The following HAPLN4 variants were observed in gnomAD, a reference collection of about 807,000 sequenced individuals.
HAPLN4 encodes brain link protein 2.
Under a neutral mutation model 28.0 loss-of-function variants are expected in HAPLN4, and 19 were observed. The observed-to-expected ratio is 0.68, with a 90% CI of 0.47 to 1.00. The LOEUF is 1.00. Among genes scored for constraint, HAPLN4 ranks in the 50% least tolerant of loss-of-function variants. The pLI, the probability that HAPLN4 is intolerant of heterozygous loss-of-function variation, is 0.00. For synonymous variants in HAPLN4, 274 were observed against 273.0 expected (o/e 1.00, Z -0.03); for missense variants, 587 against 602.6 (o/e 0.97, Z 0.27).
At position 19,258,842 on chromosome 19, in the gene HAPLN4, G is replaced by A. The variant is rs952830322; in HGVS notation, c.498C>T (p.Pro166=). 4 of 1,564,116 alleles carry A rather than the reference G, an allele frequency of 2.6e-6. No homozygotes were observed. The highest frequency in any genetic ancestry group is 8.7e-7 in the Non-Finnish European group (1 of 1,153,994). Residue 166 remains proline (P), a synonymous_variant, in exon 4 of 5, where the codon CCC becomes CCT. Coordinates refer to ENST00000291481, the MANE Select transcript of HAPLN4 (RefSeq NM_023002.3). This position sits in a 1 kb window ranked among gnomAD's most constrained non-coding sequence, Gnocchi z 6.2. ...VKLDLEGVVF[P]YHPRGGRYKL... is the part of the protein sequence containing the mutation. ...TGTATCGGCCTCCACGGGGGTGGTA[G>A]GGAAAGACCACGCCTGGCGGGGGGC... is the stretch of plus-strand genomic sequence containing the variant.
Sources: gnomAD v4.1 joint callset for allele counts on GRCh38, gnomAD v4.1.1 for gene constraint, Gnocchi (gnomAD v3.1) non-coding constraint, MANE v1.5 for transcripts, NCBI Gene and HGNC (gene_info 2026-07-23, HGNC 2026-07-21) for gene names.